Variants in SYNPR observed in about 807,000 individuals in gnomAD.
SYNPR encodes synaptoporin.
SYNPR carries 23 observed loss-of-function variants against 32.9 expected under a neutral mutation model. That is an observed-to-expected ratio of 0.70 (90% CI 0.50 to 0.99). The LOEUF is 0.99. Among genes scored for constraint, SYNPR ranks in the 50% least tolerant of loss-of-function variants. SYNPR has a pLI of 0.00. For missense variants in SYNPR, 318 were observed against 349.3 expected (o/e 0.91, Z 0.71); for synonymous variants, 146 against 135.9 (o/e 1.07, Z -0.52).
At chr3:63,468,667 G>T (rs1362334428) in intron 2 of SYNPR, among the ~76,000 whole-genome samples, 1 of 152,142 alleles carries the variant, frequency 6.6e-6, no homozygotes, top group African/African-American at 2.4e-5. Context: ...CGGGTGTGGT[G>T]GTGCATGTTT....
intron 2 of SYNPR, among the ~76,000 whole-genome samples, chr3:63,462,633 A>T (rs144394976): frequency 2.6e-5 from 4 of 152,290 alleles, no homozygotes; most frequent in East Asian, 3.9e-4. Flanking sequence ...AACAGAGGTC[A>T]TGGGAAGATG....
intron 2 of SYNPR, among the ~76,000 whole-genome samples, chr3:63,285,060 T>C (rs568925371): frequency 6.6e-6 from 1 of 152,340 alleles, no homozygotes; most frequent in African/African-American, 2.4e-5. Flanking sequence ...GGCAAGCACT[T>C]GCCATATCTT....
intron 3 of SYNPR, among the ~76,000 whole-genome samples, chr3:63,495,842 C>G (rs1309110814): frequency 6.6e-6 from 1 of 151,898 alleles, no homozygotes; most frequent in Non-Finnish European, 1.5e-5. Flanking sequence ...TTTTTTAAGG[C>G]AGTGAAACTA....
rs952602529 is a variant in SYNPR at position 63,606,369 on chromosome 3, C to T, written c.409-2756C>T. Among the ~76,000 whole-genome samples the T allele has an allele frequency of 5.7e-5, 8 of 140,192 alleles. No individual in the cohort carries two copies. In the East Asian group the frequency reaches 1.1e-3, roughly 19 times the overall value. 92.0% of individuals were successfully genotyped at this position (140,192 alleles called of 152,430 possible). A position where few individuals can be genotyped will look rare whatever the true frequency, so the allele number is the denominator to read the frequency against. On this transcript the variant is annotated intron_variant, in intron 4 of 5. Transcript: ENST00000478300. Reference sequence around the variant, plus strand: ...TCAGAAGCTTGTTTATGGAAAAGGACTTCTTACTATTTTTTATATTTAAAT... The same window carrying T: ...TCAGAAGCTTGTTTATGGAAAAGGATTTCTTACTATTTTTTATATTTAAAT...
intron 2 of SYNPR, among the ~76,000 whole-genome samples, chr3:63,393,496 C>CTTTTTTTTTTTTTTTTTTTTTTTTTTTTT (rs71631152): frequency 1.2e-5 from 1 of 84,504 alleles, no homozygotes; most frequent in African/African-American, 5.7e-5. Flanking sequence ...TCTTTCTTCT[C>CTTTTTTTTTTTTTTTTTTTTTTTTTTTTT]TTTTTTTTTT....
intron 2 of SYNPR, among the ~76,000 whole-genome samples, chr3:63,380,408 T>G (rs1166473770): frequency 6.6e-6 from 1 of 152,236 alleles, no homozygotes; most frequent in Non-Finnish European, 1.5e-5. Context: ...TATCTCACTG[T>G]GGTTTTGATT....
chr3:63,286,862 A>G (rs2086689116), intron 2 of SYNPR, among the ~76,000 whole-genome samples: 1 of 152,184 alleles, frequency 6.6e-6, no homozygotes, highest in Admixed American at 6.5e-5. Context: ...CAAACTGTTA[A>G]CTATCCTTCT....
At chr3:63,350,753 T>C (rs1044702150) in intron 2 of SYNPR, among the ~76,000 whole-genome samples, 3 of 152,168 alleles carry the variant, frequency 2.0e-5, no homozygotes, top group Non-Finnish European at 2.9e-5. Flanking sequence ...GAAATATACA[T>C]GTATGTGCAG....
intron 2 of SYNPR, among the ~76,000 whole-genome samples, chr3:63,320,448 A>T (rs2087098858): frequency 6.6e-6 from 1 of 152,044 alleles, no homozygotes; most frequent in Non-Finnish European, 1.5e-5. Flanking sequence ...AGAAAGCTAT[A>T]TTCAGTTTTT....
chr3:63,209,124 C>G, the SYNPR span, among the ~76,000 whole-genome samples: 1 of 152,024 alleles, frequency 6.6e-6, no homozygotes, highest in Non-Finnish European at 1.5e-5. Context: ...TTAAACCATC[C>G]TGGCTAACAC....
At chr3:63,315,386 T>C (rs2087029618) in intron 2 of SYNPR, among the ~76,000 whole-genome samples, 1 of 152,150 alleles carries the variant, frequency 6.6e-6, no homozygotes, top group African/African-American at 2.4e-5. Flanking sequence ...GTGTTTCCAT[T>C]TGTTTGTGTC....
chr3:63,609,409 T>C (rs1278767438), intron 5 of SYNPR, 93 bp downstream of exon 5: 28 of 1,230,562 alleles, frequency 2.3e-5, no homozygotes, highest in Non-Finnish European at 2.7e-5. Context: ...TTGAAAATTG[T>C]TGCCTACAAA....
intron 2 of SYNPR, among the ~76,000 whole-genome samples, chr3:63,459,516 T>G (rs1700543341): frequency 6.6e-6 from 1 of 152,190 alleles, no homozygotes; most frequent in South Asian, 2.1e-4. Flanking sequence ...CATTGGCTCC[T>G]GCAGCAAAGT....
At chr3:63,490,236 G>T (rs993030992) in intron 3 of SYNPR, among the ~76,000 whole-genome samples, 2 of 152,026 alleles carry the variant, frequency 1.3e-5, no homozygotes, top group African/African-American at 4.8e-5. Flanking sequence ...CTGAGAACCA[G>T]CAAAGAAACC....
chr3:63,319,162 C>A (rs1474099046), intron 2 of SYNPR, among the ~76,000 whole-genome samples: 1 of 151,888 alleles, frequency 6.6e-6, no homozygotes, highest in Non-Finnish European at 1.5e-5. Context: ...GTGGAGATGG[C>A]ACTAGTTTTT....
chr3:63,529,133 A>T (rs1702067073), intron 3 of SYNPR, among the ~76,000 whole-genome samples: 2 of 152,236 alleles, frequency 1.3e-5, no homozygotes, highest in Admixed American at 1.3e-4. Context: ...CACACATAGA[A>T]GGAAGACAGT....
At chr3:63,366,908 C>T (rs557315734) in intron 2 of SYNPR, among the ~76,000 whole-genome samples, 6 of 152,326 alleles carry the variant, frequency 3.9e-5, no homozygotes, top group African/African-American at 1.4e-4. Flanking sequence ...CAGTGCTTGG[C>T]ATATTAGGTA....
chr3:63,316,562 A>G (rs185311510), intron 2 of SYNPR, among the ~76,000 whole-genome samples: 1 of 151,852 alleles, frequency 6.6e-6, no homozygotes, highest in African/African-American at 2.4e-5. Flanking sequence ...TTTGTATTTC[A>G]GTGGTGTTAA....
chr3:63,408,236 A>G lies in SYNPR; in HGVS notation c.85-72596A>G, dbSNP rs866224641. Among the ~76,000 whole-genome samples the G allele has an allele frequency of 9.7e-3, 923 of 95,330 alleles. 70 individuals are homozygous for G. The highest frequency in any genetic ancestry group is 0.03 in the Middle Eastern group (6 of 200). The allele number at this position is 95,330 out of a possible 152,430, so 62.5% of individuals were successfully genotyped here. Reference sequence around the variant, plus strand: ...AGGAAGGAAGGAAGGAAGGAAAGAAAGAAAGAAAGAAAGAAAGAAAGAAAG... The same window carrying G: ...AGGAAGGAAGGAAGGAAGGAAAGAAGGAAAGAAAGAAAGAAAGAAAGAAAG... On this transcript the variant is annotated intron_variant, in intron 2 of 5. Transcript: ENST00000478300.
Sources: gnomAD v4.1 joint callset for allele counts (sites outside exome capture counted in the v4.1 genomes callset) on GRCh38, gnomAD v4.1.1 for gene constraint, MANE v1.5 for transcripts, NCBI Gene and HGNC (gene_info 2026-07-23, HGNC 2026-07-21) for gene names.